Variants in PNLIPRP3 observed in about 807,000 individuals in gnomAD.
PNLIPRP3 encodes pancreatic lipase related protein 3.
PNLIPRP3 carries 58 observed loss-of-function variants against 52.8 expected under a neutral mutation model. That is an observed-to-expected ratio of 1.10 (90% confidence interval 0.89 to 1.37). PNLIPRP3 has a LOEUF of 1.37. Among genes scored for constraint, PNLIPRP3 ranks in the 40% most tolerant of loss-of-function variants. PNLIPRP3 has a pLI of 0.00. For missense variants in PNLIPRP3, 593 were observed against 561.6 expected (o/e 1.06, Z -0.57); for synonymous variants, 192 against 185.0 (o/e 1.04, Z -0.31).
chr10:116,467,698 T>C (rs1589989872), intron 8 of PNLIPRP3, among the ~76,000 whole-genome samples: 2 of 152,288 alleles, frequency 1.3e-5, no homozygotes, highest in African/African-American at 4.8e-5. Flanking sequence ...TTTCATTAAA[T>C]ATTATAAATA....
chr10:116,443,970 A>G (rs1031025676), intron 3 of PNLIPRP3, among the ~76,000 whole-genome samples: 5 of 151,692 alleles, frequency 3.3e-5, no homozygotes, highest in African/African-American at 1.2e-4. Context: ...TGGGTAATTT[A>G]TAAAGGAAAG....
chr10:116,473,582 C>T (rs923649927), intron 10 of PNLIPRP3, among the ~76,000 whole-genome samples: 2 of 152,026 alleles, frequency 1.3e-5, no homozygotes, highest in African/African-American at 4.8e-5. Flanking sequence ...AGTGTAGTGG[C>T]ATGATCTCAC....
chr10:116,470,348 C>T (rs1400721710), intron 9 of PNLIPRP3, among the ~76,000 whole-genome samples: 1 of 151,656 alleles, frequency 6.6e-6, no homozygotes, highest in African/African-American at 2.4e-5. Context: ...GAAGAATGTG[C>T]CAGATAAGAA....
Position 116,440,595 on chromosome 10 carries a change from A to C in PNLIPRP3, c.205-2460A>C, listed in dbSNP as rs79322267. On this transcript the variant is annotated intron_variant, in intron 2 of 11. Coordinates refer to ENST00000369230, the MANE Select transcript of PNLIPRP3 (RefSeq NM_001011709.3). ...TTGGACTCATTTATAAACAAATCAG[A>C]AATTAACTCTACACAGTTAACATAC... Among the ~76,000 whole-genome samples the C allele has an allele frequency of 5.4e-3, 823 of 152,338 alleles. 5 individuals are homozygous for C. The highest frequency in any genetic ancestry group is 0.018 in the African/African-American group (766 of 41,580).
chr10:116,452,093 G>A (rs974309945), intron 4 of PNLIPRP3, among the ~76,000 whole-genome samples: 3 of 152,186 alleles, frequency 2.0e-5, no homozygotes, highest in Admixed American at 6.5e-5. Context: ...ATTGGGAACT[G>A]GAGTAAGGGT....
chr10:116,469,222 C>A lies in PNLIPRP3; in HGVS notation c.965C>A (p.Thr322Lys). ...CFFCSKEGCP[T>K]MGHFADRFHF... Reference sequence around the variant, plus strand: ...TTTTGTTCCAAAGAAGGTTGCCCAACAATGGGTCATTTTGCTGATAGATTT... The same window carrying A: ...TTTTGTTCCAAAGAAGGTTGCCCAAAAATGGGTCATTTTGCTGATAGATTT... Residue 322 changes from threonine to lysine, a missense_variant, in exon 9 of 12, where the codon ACA becomes AAA. Thr to Lys is a moderately conservative substitution (Grantham distance 78). Transcript: ENST00000369230. 1.2e-6 allele frequency: 2 copies of A among 1,612,388 alleles called. No individual in the cohort carries two copies. Among genetic ancestry groups the A allele is most frequent in the Non-Finnish European group, 8.5e-7 (1 of 1,179,390 alleles).
chr10:116,465,984 A>G, intron 7 of PNLIPRP3, 66 bp from the exon 8 acceptor site: 2 of 1,184,680 alleles, frequency 1.7e-6, no homozygotes, highest in Non-Finnish European at 2.5e-6. Flanking sequence ...TACTGTTTCT[A>G]AGATATGGTT....
intron 7 of PNLIPRP3, among the ~76,000 whole-genome samples, chr10:116,464,437 A>G (rs1846246097): frequency 6.6e-6 from 1 of 152,094 alleles, no homozygotes. Context: ...TCACCACTGG[A>G]CTTATCTCAC....
intron 4 of PNLIPRP3, among the ~76,000 whole-genome samples, chr10:116,446,305 C>T (rs1260248802): frequency 2.1e-5 from 3 of 146,242 alleles, no homozygotes; most frequent in Admixed American, 7.0e-5. Flanking sequence ...GAGATGGCGC[C>T]GCTGCACTCC....
intron 4 of PNLIPRP3, among the ~76,000 whole-genome samples, chr10:116,453,991 G>A (rs931220171): frequency 2.6e-5 from 4 of 151,846 alleles, no homozygotes; most frequent in African/African-American, 9.7e-5. Flanking sequence ...GTGTCCATGT[G>A]TTCTCATTGT....
At chr10:116,442,074 T>C (rs1845866268) in intron 2 of PNLIPRP3, among the ~76,000 whole-genome samples, 2 of 152,224 alleles carry the variant, frequency 1.3e-5, no homozygotes, top group South Asian at 4.1e-4. Flanking sequence ...CTAAATGTGT[T>C]GCTTCCAGGT....
chr10:116,461,515 G>T (rs772403235), intron 7 of PNLIPRP3, among the ~76,000 whole-genome samples: 1 of 152,114 alleles, frequency 6.6e-6, no homozygotes, highest in Admixed American at 6.5e-5. Flanking sequence ...CTAGCATATT[G>T]CAGTCACTCA....
chr10:116,463,213 G>A (rs1318260457), intron 7 of PNLIPRP3, among the ~76,000 whole-genome samples: 1 of 3,132 alleles, frequency 3.2e-4, no homozygotes, highest in Non-Finnish European at 8.8e-3. Context: ...ACAATTACAA[G>A]AAAAATTGTT....
intron 4 of PNLIPRP3, among the ~76,000 whole-genome samples, chr10:116,447,408 T>C (rs1554852854): frequency 2.6e-5 from 4 of 151,970 alleles, no homozygotes; most frequent in Non-Finnish European, 1.5e-5. Context: ...AATACCAACA[T>C]AAAGAGTCAA....
At chr10:116,475,377 C>T (rs1406436564) in intron 10 of PNLIPRP3, among the ~76,000 whole-genome samples, 2 of 152,108 alleles carry the variant, frequency 1.3e-5, no homozygotes, top group Non-Finnish European at 1.5e-5. Flanking sequence ...GTACAACAGA[C>T]ACATGTTTAC....
chr10:116,475,640 G>A (rs907991317), intron 10 of PNLIPRP3, among the ~76,000 whole-genome samples: 5 of 152,290 alleles, frequency 3.3e-5, no homozygotes, highest in Non-Finnish European at 4.4e-5. Context: ...ATATTCATTC[G>A]TTAATTCATT....
At position 116,443,112 on chromosome 10, in the gene PNLIPRP3, A is replaced by G. The variant is rs1482968954; in HGVS notation, c.262A>G (p.Ile88Val). 1 of 1,611,660 alleles carries G rather than the reference A, an allele frequency of 6.2e-7. No individual in the cohort carries two copies. The highest frequency in any genetic ancestry group is 1.3e-5 in the African/African-American group (1 of 74,824). The change falls in exon 3 of 12, where the codon ATC becomes GTC. Residue 88 changes from isoleucine to valine, a missense_variant. Coordinates refer to ENST00000369230, the MANE Select transcript of PNLIPRP3 (RefSeq NM_001011709.3). ...AGCCTCATATTTTGGAACAGACAAGATCACCCGTATCAACATAGCTGGATG... is the reference window on the plus strand; with the variant it reads ...AGCCTCATATTTTGGAACAGACAAGGTCACCCGTATCAACATAGCTGGATG... Reference protein sequence around the residue: ...IQASYFGTDKITRINIAGWKT... With the variant: ...IQASYFGTDKVTRINIAGWKT...
chr10:116,429,745 T>C (rs1440747597), intron 1 of PNLIPRP3, among the ~76,000 whole-genome samples: 2 of 152,220 alleles, frequency 1.3e-5, no homozygotes, highest in Non-Finnish European at 2.9e-5. Context: ...CAGTTTGCCC[T>C]GATCTGCTGA....
rs1412370169 is a variant in PNLIPRP3 at position 116,477,446 on chromosome 10, G to T, written c.*293G>T. 2 of 221,690 alleles carry T rather than the reference G, an allele frequency of 9.0e-6. No homozygotes were observed. Among genetic ancestry groups the T allele is most frequent in the Middle Eastern group, 1.6e-3 (1 of 626 alleles). 13.7% of individuals were successfully genotyped at this position (221,690 alleles called of 1,614,324 possible). A position where few individuals can be genotyped will look rare whatever the true frequency, so the allele number is the denominator to read the frequency against. ...ATTTTCCTGAATAAGAGGAGGTGAT[G>T]CAAATGTATGTTGAGTGTATAAACT... On this transcript the variant is annotated 3_prime_UTR_variant, in exon 12 of 12. Transcript: ENST00000369230.
Sources: gnomAD v4.1 joint callset for allele counts (sites outside exome capture counted in the v4.1 genomes callset) on GRCh38, gnomAD v4.1.1 for gene constraint, MANE v1.5 for transcripts, NCBI Gene and HGNC (gene_info 2026-07-23, HGNC 2026-07-21) for gene names.